GDI2: variants seen among roughly 807,000 people sequenced by gnomAD.
GDI2 encodes GDP dissociation inhibitor 2, also known as rab GDP dissociation inhibitor beta.
Under a neutral mutation model 54.2 loss-of-function variants are expected in GDI2, and 22 were observed. The observed-to-expected ratio is 0.41, with a 90% CI of 0.29 to 0.58. The LOEUF (loss-of-function observed/expected upper bound fraction) is 0.58. Among genes scored for constraint, GDI2 ranks in the 20% least tolerant of loss-of-function variants. The probability of loss-of-function intolerance (pLI) is 0.35; values close to 1 mark genes in which losing one functional copy is unlikely to be tolerated. For synonymous variants in GDI2, 177 were observed against 182.1 expected, an observed-to-expected ratio of 0.97 and a Z score of 0.23; for missense variants, 422 against 546.0, an observed-to-expected ratio of 0.77 and a Z score of 2.26.
At chr10:5,808,091 C>T (rs1841412299) in intron 1 of GDI2, among the ~76,000 whole-genome samples, 1 of 152,170 alleles carries the variant, frequency 6.6e-6, no homozygotes, top group Non-Finnish European at 1.5e-5. Context: ...AATCCTAACA[C>T]TTTGGGAGGA....
chr10:5,781,576 GAC>G, intron 6 of GDI2, among the ~76,000 whole-genome samples: 1 of 138,126 alleles, frequency 7.2e-6, no homozygotes, highest in Non-Finnish European at 1.5e-5. Flanking sequence ...AGTGAGCCGA[GAC>G]AGTGCCACTG....
At chr10:5,780,085 T>C (rs1840717283) in intron 6 of GDI2, among the ~76,000 whole-genome samples, 1 of 152,016 alleles carries the variant, frequency 6.6e-6, no homozygotes, top group South Asian at 2.1e-4. Context: ...GGTGCATGCC[T>C]GTAGTCCCTA....
At chr10:5,771,814 G>A (rs897086532) in intron 7 of GDI2, among the ~76,000 whole-genome samples, 7 of 152,272 alleles carry the variant, frequency 4.6e-5, no homozygotes, top group African/African-American at 7.2e-5. Context: ...ATCCCTGGCC[G>A]AGCGCGGTGG....
chr10:5,789,889 A>C (rs1428750204), intron 4 of GDI2, among the ~76,000 whole-genome samples: 2 of 152,216 alleles, frequency 1.3e-5, no homozygotes, highest in Non-Finnish European at 2.9e-5. Context: ...TTTTGTTGCT[A>C]ATGTGGTGAG....
intron 1 of GDI2, among the ~76,000 whole-genome samples, chr10:5,801,232 C>T (rs943283170): frequency 2.6e-5 from 4 of 152,104 alleles, no homozygotes; most frequent in Admixed American, 6.5e-5. Flanking sequence ...GGATTACAGG[C>T]GTAAGCCATC....
intron 2 of GDI2, among the ~76,000 whole-genome samples, chr10:5,798,718 C>T (rs1339778966): frequency 6.8e-6 from 1 of 146,236 alleles, no homozygotes; most frequent in East Asian, 2.0e-4. Context: ...AGGCTCACAC[C>T]TGTAACCGCA....
intron 4 of GDI2, among the ~76,000 whole-genome samples, chr10:5,790,902 T>C (rs1202099116): frequency 6.6e-6 from 1 of 151,956 alleles, no homozygotes; most frequent in Non-Finnish European, 1.5e-5. Flanking sequence ...ACGCCTGTAG[T>C]GCTAAGACTT....
chr10:5,782,516 T>C (rs148027508), intron 6 of GDI2, among the ~76,000 whole-genome samples: 2 of 152,302 alleles, frequency 1.3e-5, no homozygotes, highest in Non-Finnish European at 2.9e-5. Flanking sequence ...GAAAGTGTTT[T>C]ACATAAAAAT....
At chr10:5,802,861 G>A (rs1020187488) in intron 1 of GDI2, among the ~76,000 whole-genome samples, 1 of 152,192 alleles carries the variant, frequency 6.6e-6, no homozygotes, top group African/African-American at 2.4e-5. Context: ...ATCAGTGGGT[G>A]TTAATATATC....
chr10:5,777,316 T>C (rs192339238), intron 6 of GDI2, among the ~76,000 whole-genome samples: 2 of 152,032 alleles, frequency 1.3e-5, no homozygotes, highest in East Asian at 3.9e-4. Flanking sequence ...CCACAAAAAA[T>C]ACAAAAATTA....
chr10:5,786,415 C>A (rs1444658703), intron 4 of GDI2, among the ~76,000 whole-genome samples: 1 of 151,934 alleles, frequency 6.6e-6, no homozygotes, highest in Non-Finnish European at 1.5e-5. Flanking sequence ...GATCCGCCCA[C>A]CACGGCCTCC....
At chr10:5,773,421 G>A (rs1840544526) in intron 7 of GDI2, among the ~76,000 whole-genome samples, 1 of 151,808 alleles carries the variant, frequency 6.6e-6, no homozygotes, top group Non-Finnish European at 1.5e-5. Context: ...AGAAAATGCA[G>A]AGCCTTCTCA....
At position 5,800,674 on chromosome 10, in the gene GDI2, T is replaced by C; in HGVS notation, c.77A>G (p.Asn26Ser). 6.3e-7 allele frequency: 1 copy of C among 1,589,296 alleles called. No individual in the cohort carries two copies. The part of the protein sequence containing the change: ...ECILSGIMSV[N>S]GKKVLHMDRN... ...ATCCATATGAAGAACTTTCTTGCCA[T>C]TCACTGACATTATACCTGACAGGAT... The change falls in exon 2 of 11, where the codon AAT (asparagine) becomes AGT (serine). Residue 26 changes from asparagine to serine, a missense_variant. Asn to Ser is a conservative substitution (Grantham distance 46). Coordinates refer to ENST00000380191, the MANE Select transcript of GDI2 (RefSeq NM_001494.4).
Position 5,776,379 on chromosome 10 carries a change from A to G in GDI2, c.720-2438T>C. 1.4e-6 allele frequency: 1 copy of G among 719,354 alleles called. No individual in the cohort carries two copies. 44.6% of individuals were successfully genotyped at this position (719,354 alleles called of 1,614,324 possible). On this transcript the variant is annotated intron_variant, in intron 6 of 10. Transcript: ENST00000380191. The surrounding 1 kb of genome is among the most constrained non-coding windows in gnomAD (Gnocchi z 5.3). Reference sequence around the variant, plus strand: ...CCAGAGCCCCCTTTCTCAGAAGCACAGCCCTTTCACAGAGAAATGCCTGCC... The same window carrying G: ...CCAGAGCCCCCTTTCTCAGAAGCACGGCCCTTTCACAGAGAAATGCCTGCC...
chr10:5,778,489 G>A (rs1001314834), intron 6 of GDI2, among the ~76,000 whole-genome samples: 1 of 152,194 alleles, frequency 6.6e-6, no homozygotes, highest in Non-Finnish European at 1.5e-5. Flanking sequence ...AACTATACGT[G>A]TGTGCCACAC....
chr10:5,806,744 T>C (rs537636319), intron 1 of GDI2, among the ~76,000 whole-genome samples: 2 of 152,290 alleles, frequency 1.3e-5, no homozygotes, highest in African/African-American at 2.4e-5. Context: ...CACCAACATA[T>C]AGTTCCACAT....
At chr10:5,796,576 C>G (rs1841152142) in intron 3 of GDI2, among the ~76,000 whole-genome samples, 187 bp downstream of exon 3, 1 of 152,172 alleles carries the variant, frequency 6.6e-6, no homozygotes, top group African/African-American at 2.4e-5. Flanking sequence ...ACTAGTAAGT[C>G]ACAACCCCTT....
At chr10:5,792,688 C>CAA (rs5782859) in intron 4 of GDI2, among the ~76,000 whole-genome samples, 7,229 of 130,958 alleles carry the variant, frequency 0.055, 224 homozygotes, top group Non-Finnish European at 0.072. Context: ...TGCGCTTATT[C>CAA]AAAAAAAAAA....
intron 3 of GDI2, among the ~76,000 whole-genome samples, chr10:5,796,121 G>C (rs982807841): frequency 1.3e-5 from 2 of 151,794 alleles, no homozygotes; most frequent in African/African-American, 4.8e-5. Flanking sequence ...AGGCTGAGGC[G>C]AGCAGGTCAC....
Sources: gnomAD v4.1 joint callset for allele counts (sites outside exome capture counted in the v4.1 genomes callset) on GRCh38, gnomAD v4.1.1 for gene constraint, Gnocchi (gnomAD v3.1) non-coding constraint, MANE v1.5 for transcripts, NCBI Gene and HGNC (gene_info 2026-07-23, HGNC 2026-07-21) for gene names.